The following RNF220 variants were observed in gnomAD, a reference collection of about 807,000 sequenced individuals.
The protein encoded by RNF220 is ring finger protein 220.
RNF220 carries 7 observed loss-of-function variants against 67.1 expected under a neutral mutation model. The ratio of observed to expected loss-of-function variants is 0.10; its 90% CI spans 0.06 to 0.20. The LOEUF (loss-of-function observed/expected upper bound fraction) is 0.20. Among genes scored for constraint, RNF220 ranks in the 10% least tolerant of loss-of-function variants. The pLI, the probability that RNF220 is intolerant of heterozygous loss-of-function variation, is 1.00. For synonymous variants in RNF220, 270 were observed against 283.2 expected (o/e 0.95, Z 0.47); for missense variants, 565 against 740.3 (o/e 0.76, Z 2.75).
chr1:44,498,784 C>A (rs975250694), intron 2 of RNF220, among the ~76,000 whole-genome samples: 1 of 152,128 alleles, frequency 6.6e-6, no homozygotes. Flanking sequence ...GGTCTAGAGA[C>A]CCCCAAGGAT....
At chr1:44,508,351 C>A (rs968500457) in intron 2 of RNF220, among the ~76,000 whole-genome samples, 10 of 152,040 alleles carry the variant, frequency 6.6e-5, no homozygotes, top group African/African-American at 2.4e-4. Flanking sequence ...ATGGGCGAGT[C>A]GTGTGGGGTC....
Position 44,419,024 on chromosome 1 carries a change from G to T in RNF220, c.625+6302G>T, listed in dbSNP as rs752704656. Among the ~76,000 whole-genome samples, 3 of 152,224 alleles carry T rather than the reference G, an allele frequency of 2.0e-5. No homozygotes were observed. The East Asian group carries it at 5.8e-4, about 29-fold the overall frequency. ...GTACATTGCATTGTAAAATCCACAG[G>T]ATTTTTAAACACCAAAATAGCAATA... On this transcript the variant is annotated intron_variant, in intron 2 of 14. Coordinates refer to ENST00000361799, the MANE Select transcript of RNF220 (RefSeq NM_018150.4).
intron 2 of RNF220, among the ~76,000 whole-genome samples, chr1:44,548,122 G>A (rs188669453): frequency 1.1e-4 from 17 of 152,166 alleles, no homozygotes; most frequent in East Asian, 9.7e-4. Context: ...CGTTAGTCAC[G>A]AAATCCTGTG....
Position 44,543,684 on chromosome 1 carries a change from G to A in RNF220, c.626-70481G>A, listed in dbSNP as rs570262613. Among the ~76,000 whole-genome samples, 5 of 152,118 alleles carry A rather than the reference G, an allele frequency of 3.3e-5. No homozygotes were observed. The South Asian group carries it at 6.2e-4, about 19-fold the overall frequency. Reference sequence around the variant, plus strand: ...GGGTGTACAGGAAACATTGCATCATGTTTTGGGCATTAAAAAAAAATACAT... The same window carrying A: ...GGGTGTACAGGAAACATTGCATCATATTTTGGGCATTAAAAAAAAATACAT... On this transcript the variant is annotated intron_variant, in intron 2 of 14. Transcript: ENST00000361799.
intron 2 of RNF220, among the ~76,000 whole-genome samples, chr1:44,502,153 TCTCTCACACACA>T (rs1174227012): frequency 1.7e-5 from 2 of 116,830 alleles, no homozygotes; most frequent in African/African-American, 6.2e-5. Context: ...TCTCTCTCTC[TCTCTCACACACA>T]CACACACACA....
At chr1:44,430,408 G>T (rs1396757968) in intron 2 of RNF220, among the ~76,000 whole-genome samples, 5 of 152,020 alleles carry the variant, frequency 3.3e-5, no homozygotes, top group Non-Finnish European at 7.4e-5. Context: ...CATTAGTTTT[G>T]ATAAATCTAC....
intron 2 of RNF220, among the ~76,000 whole-genome samples, chr1:44,594,265 TC>T (rs1418298275): frequency 6.6e-6 from 1 of 151,530 alleles, no homozygotes; most frequent in African/African-American, 2.4e-5. Flanking sequence ...GCGCTTTGCC[TC>T]CCCCCCTCCC....
At chr1:44,568,275 T>C (rs1350134581) in intron 2 of RNF220, among the ~76,000 whole-genome samples, 4 of 152,156 alleles carry the variant, frequency 2.6e-5, no homozygotes, top group Non-Finnish European at 2.9e-5. Context: ...CCTGCACTCA[T>C]CCCCACCTCA....
At chr1:44,597,428 T>C (rs1226912234) in intron 2 of RNF220, among the ~76,000 whole-genome samples, 1 of 151,616 alleles carries the variant, frequency 6.6e-6, no homozygotes, top group Non-Finnish European at 1.5e-5. Context: ...TCCTTCTCTG[T>C]CTCAACATAC....
chr1:44,552,406 C>T (rs1662707427), intron 2 of RNF220, among the ~76,000 whole-genome samples: 1 of 151,746 alleles, frequency 6.6e-6, no homozygotes, highest in Non-Finnish European at 1.5e-5. Flanking sequence ...ACTTGGCAGG[C>T]TGAGGTAGGA....
chr1:44,422,446 G>A (rs993122918), intron 2 of RNF220, among the ~76,000 whole-genome samples: 7 of 152,328 alleles, frequency 4.6e-5, no homozygotes, highest in East Asian at 1.9e-4. Flanking sequence ...GCTGATTTAC[G>A]GGGAAAAGAA....
chr1:44,558,344 G>C (rs1572877970), intron 2 of RNF220, among the ~76,000 whole-genome samples: 1 of 152,308 alleles, frequency 6.6e-6, no homozygotes, highest in Non-Finnish European at 1.5e-5. Context: ...TTGGCTGGAT[G>C]CCTAGGGCTC....
At position 44,647,158 on chromosome 1, in the gene RNF220, T is replaced by G. The variant is rs565205632; in HGVS notation, c.1445+1670T>G. ...GCTTCATTCTCTCCTGGCCTCATCCTTCTTTGCCATTCCAGCTCTAGTTCT... is the reference window on the plus strand; with the variant it reads ...GCTTCATTCTCTCCTGGCCTCATCCGTCTTTGCCATTCCAGCTCTAGTTCT... On this transcript the variant is annotated intron_variant, in intron 12 of 14. Transcript: ENST00000361799. Among the ~76,000 whole-genome samples the G allele has an allele frequency of 2.6e-5, 4 of 152,372 alleles. No individual in the cohort carries two copies. The South Asian group carries it at 8.3e-4, about 32-fold the overall frequency.
At chr1:44,543,371 T>A (rs1230041314) in intron 2 of RNF220, among the ~76,000 whole-genome samples, 1 of 152,110 alleles carries the variant, frequency 6.6e-6, no homozygotes, top group South Asian at 2.1e-4. Flanking sequence ...GGCTTTATTA[T>A]GGAGAACTCA....
chr1:44,588,513 A>C (rs1422183647), intron 2 of RNF220, among the ~76,000 whole-genome samples: 2 of 152,214 alleles, frequency 1.3e-5, no homozygotes, highest in Non-Finnish European at 2.9e-5. Flanking sequence ...TCTTGGGGAA[A>C]GTGGCCCCAA....
intron 2 of RNF220, among the ~76,000 whole-genome samples, chr1:44,557,163 AC>A (rs1663170194): frequency 6.8e-6 from 1 of 146,040 alleles, no homozygotes; most frequent in Admixed American, 6.9e-5. Flanking sequence ...TAATATATAT[AC>A]ATATGTATAT....
At chr1:44,557,382 A>G (rs1432827045) in intron 2 of RNF220, among the ~76,000 whole-genome samples, 1 of 151,020 alleles carries the variant, frequency 6.6e-6, no homozygotes, top group African/African-American at 2.4e-5. Context: ...GAAGAAAAAG[A>G]AAGAGAAGGA....
rs1047989668 is a variant in RNF220, at chr1:44,650,337, G to C, written c.1630-367G>C. The C allele has an allele frequency of 4.2e-6, 2 of 471,918 alleles. No individual in the cohort carries two copies. The highest frequency in any genetic ancestry group is 7.7e-6 in the Non-Finnish European group (2 of 258,930). 29.2% of individuals were successfully genotyped at this position (471,918 alleles called of 1,614,324 possible). A position where few individuals can be genotyped will look rare whatever the true frequency, so the allele number is the denominator to read the frequency against. On this transcript the variant is annotated intron_variant, in intron 14 of 14. Transcript: ENST00000361799. The surrounding 1 kb of genome is among the most constrained non-coding windows in gnomAD (Gnocchi z 4.3). ...CCTTCTGCTCCTGCCCCTGTTCTTC[G>C]CTCAGGAGCAGCCATTAAAATGTCG...
At chr1:44,408,036 C>T (rs763684375) in intron 1 of RNF220, among the ~76,000 whole-genome samples, 7 of 152,178 alleles carry the variant, frequency 4.6e-5, no homozygotes, top group Non-Finnish European at 1.0e-4. Context: ...TTGTTGGGAC[C>T]CAGAGTATTC....
Sources: gnomAD v4.1 joint callset for allele counts (sites outside exome capture counted in the v4.1 genomes callset) on GRCh38, gnomAD v4.1.1 for gene constraint, Gnocchi (gnomAD v3.1) non-coding constraint, MANE v1.5 for transcripts, NCBI Gene and HGNC (gene_info 2026-07-23, HGNC 2026-07-21) for gene names.